Variants in SLC6A17 observed in about 807,000 individuals in gnomAD.
SLC6A17 encodes sodium-dependent neutral amino acid transporter SLC6A17.
A neutral mutation model predicts 64.5 loss-of-function variants in SLC6A17; 21 were observed. The ratio of observed to expected loss-of-function variants is 0.33; its 90% CI spans 0.23 to 0.47. SLC6A17 has a LOEUF of 0.47. Ranked by LOEUF, SLC6A17 falls within the 20% of genes least tolerant of loss-of-function variation. The probability of loss-of-function intolerance (pLI) is 1.00; values close to 1 mark genes in which losing one functional copy is unlikely to be tolerated. For synonymous variants in SLC6A17, 372 were observed against 399.5 expected (o/e 0.93, Z 0.82); for missense variants, 682 against 963.2 (o/e 0.71, Z 3.86).
chr1:110,152,376 T>A (rs1655632872), intron 1 of SLC6A17, among the ~76,000 whole-genome samples: 2 of 152,196 alleles, frequency 1.3e-5, no homozygotes, highest in South Asian at 4.1e-4. Context: ...CCACCAGCTC[T>A]GATTGGAGTG....
chr1:110,173,112 G>C (rs1656285475), intron 3 of SLC6A17, among the ~76,000 whole-genome samples: 1 of 152,262 alleles, frequency 6.6e-6, no homozygotes, highest in Non-Finnish European at 1.5e-5. Context: ...TGATACACAG[G>C]AGTGTGTGTA....
intron 1 of SLC6A17, among the ~76,000 whole-genome samples, chr1:110,156,076 C>G (rs958418598): frequency 5.9e-5 from 9 of 152,196 alleles, no homozygotes; most frequent in Non-Finnish European, 8.8e-5. Context: ...GGGGCTGGCT[C>G]GCAGAATAGC....
Position 110,181,499 on chromosome 1 carries a change from A to G in SLC6A17, c.864+4760A>G, listed in dbSNP as rs970304107. 2.0e-5 allele frequency among the ~76,000 whole-genome samples: 3 copies of G among 152,260 alleles called. No homozygotes were observed. The East Asian group carries it at 5.8e-4, about 29-fold the overall frequency. ...CGAGTCACGGGATCCAGCAGTGAAC[A>G]AAGCAGACAGACTTCCTGGTCCTCA... On this transcript the variant is annotated intron_variant, in intron 6 of 11. Transcript: ENST00000331565.
At chr1:110,172,283 AG>A in intron 3 of SLC6A17, 66 bp downstream of exon 3, 1 of 1,506,410 alleles carries the variant, frequency 6.6e-7, no homozygotes, top group South Asian at 1.3e-5. Flanking sequence ...ATTGGAGACG[AG>A]GTCACCGAGT....
intron 6 of SLC6A17, 69 bp from the exon 7 acceptor site, chr1:110,191,903 G>T: frequency 6.4e-7 from 1 of 1,561,084 alleles, no homozygotes; most frequent in Non-Finnish European, 8.7e-7. Context: ...GAGAAAGGGG[G>T]TGTGCACATG....
chr1:110,172,772 C>T (rs1240389671), intron 3 of SLC6A17, among the ~76,000 whole-genome samples: 3 of 152,200 alleles, frequency 2.0e-5, no homozygotes, highest in Non-Finnish European at 2.9e-5. Context: ...GACAGGGAGA[C>T]GCCAGTGGCC....
rs1421884063 is a variant in SLC6A17, at chr1:110,167,108, G to A, written c.179G>A (p.Arg60Gln). ...AVEEELDAED[R>Q]PAWNSKLQYI... ...GAGGAGGAGCTGGATGCAGAGGACC[G>A]GCCGGCCTGGAACAGTAAGCTGCAG... is the stretch of plus-strand genomic sequence containing the variant. The change falls in exon 2 of 12, where the codon CGG (arginine) becomes CAG (glutamine). Residue 60 changes from arginine (R) to glutamine (Q), a missense_variant. Around this residue, in one of 3 missense-constraint regions of SLC6A17, gnomAD observed 415 missense variants for 603.8 expected, o/e 0.69. Coordinates refer to ENST00000331565, the MANE Select transcript of SLC6A17 (RefSeq NM_001010898.4). The A allele has an allele frequency of 3.1e-6, 5 of 1,612,710 alleles. No individual in the cohort carries two copies. The highest frequency in any genetic ancestry group is 2.2e-5 in the South Asian group (2 of 90,896).
intron 10 of SLC6A17, among the ~76,000 whole-genome samples, chr1:110,196,341 A>T (rs545936299): frequency 1.3e-5 from 2 of 152,314 alleles, no homozygotes; most frequent in African/African-American, 4.8e-5. Context: ...GACCATGACC[A>T]CATTGTCCTT....
intron 2 of SLC6A17, among the ~76,000 whole-genome samples, chr1:110,170,970 C>G (rs1296049690): frequency 6.6e-6 from 1 of 152,212 alleles, no homozygotes; most frequent in East Asian, 1.9e-4. Context: ...TCCACTGTCC[C>G]CCCGCTGCCT....
chr1:110,152,372 G>C (rs535623356), intron 1 of SLC6A17, among the ~76,000 whole-genome samples: 1 of 152,222 alleles, frequency 6.6e-6, no homozygotes. Flanking sequence ...GTGCCCACCA[G>C]CTCTGATTGG....
intron 3 of SLC6A17, 44 bp from the exon 4 acceptor site, chr1:110,173,929 A>T (rs1380609198): frequency 6.2e-7 from 1 of 1,603,790 alleles, no homozygotes; most frequent in East Asian, 2.3e-5. Flanking sequence ...GGCAGGGTGG[A>T]GTTGCCTGCA....
rs900149011 is a variant in SLC6A17, at chr1:110,201,157, C to T, written c.*2713C>T. 2.6e-5 allele frequency: 4 copies of T among 152,184 alleles called. No individual in the cohort carries two copies. The highest frequency in any genetic ancestry group is 7.2e-5 in the African/African-American group (3 of 41,430). The allele number at this position is 152,184 out of a possible 1,614,324, so 9.4% of individuals were successfully genotyped here. A position where few individuals can be genotyped will look rare whatever the true frequency, so the allele number is the denominator to read the frequency against. ...TACTAGGATTCTTAAGATGGCGAGA[C>T]CCCAAGAGGGATCTCATAGCACTGC... On this transcript the variant is annotated 3_prime_UTR_variant, in exon 12 of 12. Transcript: ENST00000331565.
At chr1:110,156,403 G>A (rs897694645) in intron 1 of SLC6A17, among the ~76,000 whole-genome samples, 2 of 152,144 alleles carry the variant, frequency 1.3e-5, no homozygotes, top group African/African-American at 4.8e-5. Flanking sequence ...CTCATCCCTT[G>A]GAGTAGCCTG....
At chr1:110,182,141 G>T (rs1656543181) in intron 6 of SLC6A17, among the ~76,000 whole-genome samples, 2 of 152,224 alleles carry the variant, frequency 1.3e-5, no homozygotes, top group Non-Finnish European at 2.9e-5. Context: ...GGCAATGGGA[G>T]TGATGAGAGT....
chr1:110,182,898 C>T (rs1339563052), intron 6 of SLC6A17, among the ~76,000 whole-genome samples: 1 of 152,098 alleles, frequency 6.6e-6, no homozygotes, highest in Non-Finnish European at 1.5e-5. Flanking sequence ...ACCAGTTATT[C>T]TCAGGAGTTT....
rs1282181988 is a variant in SLC6A17 at position 110,167,288 on chromosome 1, C to T, written c.286+73C>T. 9.8e-6 allele frequency: 15 copies of T among 1,525,086 alleles called. No homozygotes were observed. In the African/African-American group the frequency reaches 1.5e-4, roughly 15 times the overall value. The allele number at this position is 1,525,086 out of a possible 1,614,324, so 94.5% of individuals were successfully genotyped here. On this transcript the variant is annotated intron_variant, in intron 2 of 11. Transcript: ENST00000331565. ...GGGATGAGGGGTAAAAAAGAACACC[C>T]CTTTGCTGAGGCAGAACTGGAGCCC...
chr1:110,157,646 A>G (rs1655793262), intron 1 of SLC6A17, among the ~76,000 whole-genome samples: 1 of 152,042 alleles, frequency 6.6e-6, no homozygotes, highest in African/African-American at 2.4e-5. Context: ...TCTGCTTGAA[A>G]ACCTCCAACA....
intron 6 of SLC6A17, among the ~76,000 whole-genome samples, chr1:110,187,630 C>G (rs187998361): frequency 3.9e-5 from 6 of 152,202 alleles, no homozygotes; most frequent in Admixed American, 6.5e-5. Context: ...TTAGAACTCA[C>G]CAAACTGCTC....
In SLC6A17 at chr1:110,174,867, T is replaced by G; in HGVS notation, c.660T>G (p.Ser220Arg). ...ACATCTCTGACTCCATCTCGGAGAG[T>G]GGGGGCCTCAACTGGAAGATGACCC... is the stretch of plus-strand genomic sequence containing the variant. ...ALDISDSISE[S>R]GGLNWKMTLC... The change falls in exon 5 of 12, where the codon AGT becomes AGG. Residue 220 changes from serine to arginine, a missense_variant. By Grantham distance (110) the Ser-to-Arg change is moderately radical. This residue lies in a region of SLC6A17 where 415 missense variants were observed against 603.8 expected (regional missense o/e 0.69). Coordinates refer to ENST00000331565, the MANE Select transcript of SLC6A17 (RefSeq NM_001010898.4). 1.2e-6 allele frequency: 2 copies of G among 1,613,660 alleles called. No homozygotes were observed. Among genetic ancestry groups the G allele is most frequent in the Non-Finnish European group, 1.7e-6 (2 of 1,179,906 alleles).
Sources: allele counts gnomAD v4.1 joint callset (sites outside exome capture counted in the v4.1 genomes callset), GRCh38; gene constraint gnomAD v4.1.1; regional missense constraint gnomAD v4.1.1; transcripts MANE v1.5; gene names NCBI Gene and HGNC (gene_info 2026-07-23, HGNC 2026-07-21).